The following XRN1 variants were observed in gnomAD, a reference collection of about 807,000 sequenced individuals.
The protein encoded by XRN1 is strand-exchange protein 1 homolog.
XRN1 carries 67 observed loss-of-function variants against 222.3 expected under a neutral mutation model. The observed-to-expected ratio is 0.30, with a 90% CI of 0.25 to 0.37. The LOEUF (loss-of-function observed/expected upper bound fraction) is 0.37. Ranked by LOEUF, XRN1 falls within the 10% of genes least tolerant of loss-of-function variation. The pLI is 1.00. For missense variants in XRN1, 1,707 were observed against 2,000.2 expected (o/e 0.85, Z 2.80); for synonymous variants, 643 against 652.4 (o/e 0.99, Z 0.22).
intron 27 of XRN1, among the ~76,000 whole-genome samples, chr3:142,367,666 C>T (rs927722196): frequency 3.3e-5 from 5 of 152,028 alleles, no homozygotes; most frequent in Non-Finnish European, 7.4e-5. Context: ...CTGCCTTGGC[C>T]TCCCGAGTAG....
At chr3:142,427,765 ACCTGCCTGACTTCTACTG>A (rs1416303177) in intron 2 of XRN1, among the ~76,000 whole-genome samples, 1 of 152,192 alleles carries the variant, frequency 6.6e-6, no homozygotes, top group Non-Finnish European at 1.5e-5. Flanking sequence ...GTGTCCTACT[ACCTGCCTGACTTCTACTG>A]CCACCCCTTT....
chr3:142,376,253 T>G (rs2067140173), intron 24 of XRN1: 1 of 640,366 alleles, frequency 1.6e-6, no homozygotes, highest in African/African-American at 1.8e-5. Flanking sequence ...TCTGATACCT[T>G]TTTTCAAGGT....
At chr3:142,431,967 AATATATTGTATATATTATAT>A (rs2069611165) in intron 2 of XRN1, among the ~76,000 whole-genome samples, 1 of 78,170 alleles carries the variant, frequency 1.3e-5, no homozygotes, top group Non-Finnish European at 2.4e-5. Flanking sequence ...TATATAATAT[AATATATTGTATATATTATAT>A]AATATATTGT....
chr3:142,363,577 C>T (rs576478960), intron 29 of XRN1, among the ~76,000 whole-genome samples: 1 of 112,628 alleles, frequency 8.9e-6, no homozygotes, highest in East Asian at 2.5e-4. Context: ...TTTACTCTAG[C>T]TTTGTAAAGT....
At chr3:142,423,971 T>G (rs2069142495) in intron 5 of XRN1, among the ~76,000 whole-genome samples, 1 of 152,106 alleles carries the variant, frequency 6.6e-6, no homozygotes, top group Non-Finnish European at 1.5e-5. Flanking sequence ...TGGTTAGAAA[T>G]TAGAGGCAGC....
rs1256200271 is a variant in XRN1 at position 142,307,377 on chromosome 3, AAAG to A, written c.*4131_*4133del. On this transcript the variant is annotated 3_prime_UTR_variant, in exon 41 of 41. Transcript: ENST00000392981. ...GGTGTACGGCTGGAGGGAAAAAAAA[AAAG>A]ACTTTTTACAGGTTTAACTTTGTAA... 6.6e-6 allele frequency: 1 copy of A among 152,150 alleles called. No individual in the cohort carries two copies. The highest frequency in any genetic ancestry group is 1.5e-5 in the Non-Finnish European group (1 of 68,028). The allele number at this position is 152,150 out of a possible 1,614,324, so 9.4% of individuals were successfully genotyped here. A position where few individuals can be genotyped will look rare whatever the true frequency, so the allele number is the denominator to read the frequency against.
intron 13 of XRN1, among the ~76,000 whole-genome samples, chr3:142,414,545 G>A (rs895242845): frequency 4.6e-5 from 7 of 151,576 alleles, no homozygotes; most frequent in African/African-American, 1.7e-4. Context: ...GCCCAGGCTG[G>A]AGTGCAGTGG....
chr3:142,411,285 C>A (rs2068567433), intron 15 of XRN1, among the ~76,000 whole-genome samples: 1 of 152,074 alleles, frequency 6.6e-6, no homozygotes, highest in South Asian at 2.1e-4. Flanking sequence ...TTAATCTTTT[C>A]AAAGAACCAA....
At chr3:142,384,743 A>C in intron 20 of XRN1, 58 bp from the exon 21 acceptor site, 39 of 1,315,722 alleles carry the variant, frequency 3.0e-5, no homozygotes, top group Non-Finnish European at 4.0e-5. Context: ...ATATTCTAGG[A>C]CGATAATCGT....
rs771207388 is a variant in XRN1 at position 142,404,962 on chromosome 3, T to C, written c.1828A>G (p.Ile610Val). The C allele has an allele frequency of 9.9e-6, 16 of 1,613,992 alleles. No individual in the cohort carries two copies. The highest frequency in any genetic ancestry group is 2.2e-5 in the South Asian group (2 of 91,074). Reference protein sequence around the residue: ...MCWYDRDTEFIYPSPWPEKFP... With the variant: ...MCWYDRDTEFVYPSPWPEKFP... ...TTTTCTGGCCATGGAGAAGGATAGA[T>C]AAACTCTGTGTCTCTATCATACCAG... is the stretch of plus-strand genomic sequence containing the variant. The change falls in exon 16 of 41, where the codon ATC (isoleucine) becomes GTC (valine). Residue 610 changes from isoleucine (I) to valine (V), a missense_variant. Coordinates refer to ENST00000392981, the MANE Select transcript of XRN1 (RefSeq NM_001282857.2).
At position 142,363,246 on chromosome 3, in the gene XRN1, T is replaced by C. The variant is rs183978730; in HGVS notation, c.3394+1801A>G. On this transcript the variant is annotated intron_variant, in intron 29 of 40. Coordinates refer to ENST00000392981, the MANE Select transcript of XRN1 (RefSeq NM_001282857.2). ...TAAGGTAAGGAGTTGTGGATTTTTT[T>C]TTTTTGCATATGGTGTCTAATTGTT... Among the ~76,000 whole-genome samples the C allele has an allele frequency of 5.9e-3, 891 of 152,272 alleles. 7 individuals are homozygous for C. Among genetic ancestry groups the C allele is most frequent in the Non-Finnish European group, 9.7e-3 (663 of 68,024 alleles).
chr3:142,414,564 T>G (rs1468237619), intron 13 of XRN1, among the ~76,000 whole-genome samples: 2 of 151,874 alleles, frequency 1.3e-5, no homozygotes, highest in Non-Finnish European at 2.9e-5. Flanking sequence ...GGCGCGATCC[T>G]GGCTCACTGC....
Position 142,359,917 on chromosome 3 carries a change from C to A in XRN1, c.3409G>T (p.Asp1137Tyr). The A allele has an allele frequency of 1.3e-6, 2 of 1,599,806 alleles. No individual in the cohort carries two copies. The highest frequency in any genetic ancestry group is 1.7e-6 in the Non-Finnish European group (2 of 1,171,934). ...TCAAATAATACTTCAAATAGTACAT[C>A]GGCTTCTCTATTAGCTGTTACAATA... Reference protein sequence around the residue: ...IGIKGANREADVLFEVLFDEE... With the variant: ...IGIKGANREAYVLFEVLFDEE... The change falls in exon 30 of 41, where the codon GAT becomes TAT. Residue 1137 changes from aspartate (D) to tyrosine (Y), a missense_variant. This residue lies in a region of XRN1 where 1,234 missense variants were observed against 1,518.2 expected (regional missense o/e 0.81). Coordinates refer to ENST00000392981, the MANE Select transcript of XRN1 (RefSeq NM_001282857.2).
At chr3:142,376,453 A>C (rs371149216) in intron 24 of XRN1, 26 bp downstream of exon 24, 7 of 1,533,442 alleles carry the variant, frequency 4.6e-6, no homozygotes, top group South Asian at 3.4e-5. Context: ...TGCCACTTTA[A>C]GTAAATTTCT....
At chr3:142,362,178 CCCAGGCTAAAGTGCAGTGGCATGA>C (rs1295031231) in intron 29 of XRN1, among the ~76,000 whole-genome samples, 1 of 151,820 alleles carries the variant, frequency 6.6e-6, no homozygotes, top group Non-Finnish European at 1.5e-5. Flanking sequence ...CGATCTGTCG[CCCAGGCTAAAGTGCAGTGGCATGA>C]TCTCGGCTCA....
chr3:142,418,954 C>T, intron 10 of XRN1, 73 bp from the exon 11 acceptor site: 2 of 1,407,238 alleles, frequency 1.4e-6, no homozygotes, highest in Non-Finnish European at 2.0e-6. Context: ...CTCTTCCATG[C>T]ACCCATTTGC....
At chr3:142,352,011 T>C (rs918338162) in intron 32 of XRN1, among the ~76,000 whole-genome samples, 3 of 151,702 alleles carry the variant, frequency 2.0e-5, no homozygotes, top group African/African-American at 7.3e-5. Context: ...ATGCTTAGAG[T>C]CAAAAATTTT....
intron 2 of XRN1, chr3:142,429,897 A>G (rs1210852106): frequency 6.6e-6 from 1 of 152,260 alleles, no homozygotes; most frequent in African/African-American, 2.4e-5. Context: ...AGTATTCAGT[A>G]TCTTTAGAGG....
At chr3:142,335,556 C>T in intron 33 of XRN1, 47 bp from the exon 34 acceptor site, 2 of 1,505,044 alleles carry the variant, frequency 1.3e-6, no homozygotes, top group Non-Finnish European at 9.2e-7. Flanking sequence ...GTGTTTACTG[C>T]ACAATTAAAA....
Sources: gnomAD v4.1 joint callset for allele counts (sites outside exome capture counted in the v4.1 genomes callset) on GRCh38, gnomAD v4.1.1 for gene constraint, gnomAD v4.1.1 regional missense constraint, MANE v1.5 for transcripts, NCBI Gene and HGNC (gene_info 2026-07-23, HGNC 2026-07-21) for gene names.